The following ADGRB3 variants were observed in gnomAD, a reference collection of about 807,000 sequenced individuals.
ADGRB3 encodes the protein brain-specific angiogenesis inhibitor 3.
A neutral mutation model predicts 193.4 loss-of-function variants in ADGRB3; 37 were observed. The ratio of observed to expected loss-of-function variants is 0.19; its 90% CI spans 0.15 to 0.25. The LOEUF is 0.25. ADGRB3 is among the 10% of genes least tolerant of loss of function. The pLI, the probability that ADGRB3 is intolerant of heterozygous loss-of-function variation, is 1.00. For synonymous variants in ADGRB3, 690 were observed against 644.2 expected (o/e 1.07, Z -1.08); for missense variants, 1,637 against 1,852.9 (o/e 0.88, Z 2.14).
intron 3 of ADGRB3, among the ~76,000 whole-genome samples, chr6:68,738,244 G>T (rs1765909727): frequency 6.6e-6 from 1 of 152,170 alleles, no homozygotes; most frequent in African/African-American, 2.4e-5. Context: ...TGTGCAAACT[G>T]ATAGCAGATG....
chr6:69,164,753 C>T (rs57051202), intron 17 of ADGRB3, among the ~76,000 whole-genome samples: 280 of 152,120 alleles, frequency 1.8e-3, no homozygotes, highest in African/African-American at 6.3e-3. Context: ...AGACAGCGTC[C>T]GTGAACTCTG....
chr6:69,228,423 G>A (rs1766065776), intron 17 of ADGRB3, among the ~76,000 whole-genome samples: 1 of 152,170 alleles, frequency 6.6e-6, no homozygotes, highest in African/African-American at 2.4e-5. Flanking sequence ...AAAGCAAGGT[G>A]AACGTATCAA....
At chr6:69,042,595 TAC>T (rs1312152340) in intron 13 of ADGRB3, among the ~76,000 whole-genome samples, 3 of 152,248 alleles carry the variant, frequency 2.0e-5, no homozygotes, top group Admixed American at 1.3e-4. Flanking sequence ...TTGGTATGGA[TAC>T]ACTAACAAAA....
chr6:68,842,770 A>G lies in ADGRB3; in HGVS notation c.758-87789A>G, dbSNP rs907281550. On this transcript the variant is annotated intron_variant, in intron 3 of 31. Coordinates refer to ENST00000370598, the MANE Select transcript of ADGRB3 (RefSeq NM_001704.3). ...ATCAACATTAATGTCAAAATCCTCA[A>G]CAAAATACTCGCAAACAATACACTC... Among the ~76,000 whole-genome samples, 8 of 152,152 alleles carry G rather than the reference A, an allele frequency of 5.3e-5. No individual in the cohort carries two copies. The South Asian group carries it at 1.5e-3, about 28-fold the overall frequency.
At chr6:69,080,040 A>G (rs181465123) in intron 17 of ADGRB3, among the ~76,000 whole-genome samples, 12 of 152,150 alleles carry the variant, frequency 7.9e-5, no homozygotes, top group Admixed American at 7.2e-4. Flanking sequence ...AAAGTTAAGT[A>G]ATTGAATTGA....
intron 17 of ADGRB3, among the ~76,000 whole-genome samples, chr6:69,229,288 C>A (rs1766085129): frequency 6.6e-6 from 1 of 152,044 alleles, no homozygotes; most frequent in Non-Finnish European, 1.5e-5. Context: ...TACCAAAAGC[C>A]ATATATACAT....
intron 17 of ADGRB3, among the ~76,000 whole-genome samples, chr6:69,103,096 T>A (rs994919906): frequency 2.0e-5 from 3 of 152,128 alleles, no homozygotes; most frequent in Non-Finnish European, 4.4e-5. Flanking sequence ...AGTGTTCAAA[T>A]GTTGCCCTCA....
intron 17 of ADGRB3, among the ~76,000 whole-genome samples, chr6:69,174,438 C>A (rs1775369892): frequency 6.6e-6 from 1 of 152,182 alleles, no homozygotes; most frequent in Admixed American, 6.5e-5. Context: ...GACTTCATTT[C>A]TTTTTGTGGC....
intron 17 of ADGRB3, among the ~76,000 whole-genome samples, chr6:69,123,304 C>T (rs559112721): frequency 1.2e-4 from 18 of 152,210 alleles, no homozygotes; most frequent in East Asian, 3.9e-4. Context: ...GTTTTCTTCA[C>T]GTAAGTACAA....
At position 68,844,449 on chromosome 6, in the gene ADGRB3, T is replaced by C. The variant is rs1768233836; in HGVS notation, c.758-86110T>C. On this transcript the variant is annotated intron_variant, in intron 3 of 31. Coordinates refer to ENST00000370598, the MANE Select transcript of ADGRB3 (RefSeq NM_001704.3). ...GAATGAAAGCTGCAATGAGATATTA[T>C]CTCACACAAGTTAAATGGCTTTTAT... Among the ~76,000 whole-genome samples, 4 of 152,170 alleles carry C rather than the reference T, an allele frequency of 2.6e-5. No homozygotes were observed. In the South Asian group the frequency reaches 8.3e-4, roughly 32 times the overall value.
At chr6:69,325,402 G>T (rs2127309330) in intron 21 of ADGRB3, among the ~76,000 whole-genome samples, 1 of 152,166 alleles carries the variant, frequency 6.6e-6, no homozygotes, top group African/African-American at 2.4e-5. Context: ...AAACTTAGAA[G>T]ATTTCATTTC....
intron 13 of ADGRB3, among the ~76,000 whole-genome samples, chr6:69,044,157 C>T (rs979400709): frequency 6.6e-6 from 1 of 152,198 alleles, no homozygotes; most frequent in African/African-American, 2.4e-5. Context: ...GGATCCAGAT[C>T]ATAAGTCTGT....
At chr6:69,255,520 C>T (rs554717248) in intron 20 of ADGRB3, among the ~76,000 whole-genome samples, 16 of 152,276 alleles carry the variant, frequency 1.1e-4, no homozygotes, top group Admixed American at 3.3e-4. Context: ...AGTGTCTGTT[C>T]ATGTCCTTTG....
chr6:68,860,431 C>T (rs1765120978), intron 3 of ADGRB3, among the ~76,000 whole-genome samples: 1 of 152,188 alleles, frequency 6.6e-6, no homozygotes, highest in Non-Finnish European at 1.5e-5. Context: ...ACTTCCCTCT[C>T]TAAGTACATG....
At chr6:69,014,964 G>C (rs2150285686) in intron 12 of ADGRB3, among the ~76,000 whole-genome samples, 1 of 151,920 alleles carries the variant, frequency 6.6e-6, no homozygotes, top group East Asian at 1.9e-4. Flanking sequence ...AAATAGTCCA[G>C]TGTGGGGCTG....
intron 30 of ADGRB3, among the ~76,000 whole-genome samples, chr6:69,376,975 T>C (rs992094821): frequency 2.0e-5 from 3 of 152,224 alleles, no homozygotes; most frequent in East Asian, 3.9e-4. Flanking sequence ...TCTTTTAAAC[T>C]CTGGCATCAT....
Position 69,145,100 on chromosome 6 carries a change from C to T in ADGRB3, c.2480+69062C>T, listed in dbSNP as rs183198315. On this transcript the variant is annotated intron_variant, in intron 17 of 31. Coordinates refer to ENST00000370598, the MANE Select transcript of ADGRB3 (RefSeq NM_001704.3). ...CAGCAACCTCTGTGGCCAGTGGCACCTTTGCCCGAGTTTTGCTTGCGCCCA... is the reference window on the plus strand; with the variant it reads ...CAGCAACCTCTGTGGCCAGTGGCACTTTTGCCCGAGTTTTGCTTGCGCCCA... 1.2e-3 allele frequency among the ~76,000 whole-genome samples: 179 copies of T among 152,274 alleles called. 1 individual carries two copies. Among genetic ancestry groups the T allele is most frequent in the Non-Finnish European group, 4.6e-4 (31 of 68,024 alleles).
At chr6:68,772,594 T>A (rs1177952509) in intron 3 of ADGRB3, among the ~76,000 whole-genome samples, 1 of 151,956 alleles carries the variant, frequency 6.6e-6, no homozygotes, top group African/African-American at 2.4e-5. Flanking sequence ...AAAGTCTTAT[T>A]TTGCCAGTAC....
intron 20 of ADGRB3, among the ~76,000 whole-genome samples, chr6:69,296,604 A>C (rs1210972882): frequency 1.1e-4 from 17 of 152,168 alleles, no homozygotes; most frequent in Admixed American, 9.8e-4. Context: ...TATAAAGTGA[A>C]TAGTCATGTT....
Sources: gnomAD v4.1 joint callset for allele counts (sites outside exome capture counted in the v4.1 genomes callset) on GRCh38, gnomAD v4.1.1 for gene constraint, MANE v1.5 for transcripts, NCBI Gene and HGNC (gene_info 2026-07-23, HGNC 2026-07-21) for gene names.